The following DSC1 variants were observed in gnomAD, a reference collection of about 807,000 sequenced individuals.
DSC1 encodes the protein desmocollin-1.
DSC1 carries 79 observed loss-of-function variants against 98.8 expected under a neutral mutation model. The observed-to-expected ratio is 0.80, with a 90% CI of 0.67 to 0.96. The LOEUF is 0.96. DSC1 is among the 50% of genes least tolerant of loss of function. The probability of loss-of-function intolerance (pLI) is 0.00; values close to 1 mark genes in which losing one functional copy is unlikely to be tolerated. For synonymous variants in DSC1, 405 were observed against 372.1 expected, an observed-to-expected ratio of 1.09 and a Z score of -1.02; for missense variants, 1,115 against 1,075.9, an observed-to-expected ratio of 1.04 and a Z score of -0.51.
intron 7 of DSC1, among the ~76,000 whole-genome samples, chr18:31,144,992 T>C (rs1988815561): frequency 7.0e-6 from 1 of 143,246 alleles, no homozygotes; most frequent in Non-Finnish European, 1.5e-5. Flanking sequence ...CAGGCTGGGG[T>C]GCAGTGGCGC....
At chr18:31,160,864 A>G (rs1043908356) in intron 1 of DSC1, among the ~76,000 whole-genome samples, 1 of 152,122 alleles carries the variant, frequency 6.6e-6, no homozygotes, top group Non-Finnish European at 1.5e-5. Context: ...ATATACCTAT[A>G]CCTATATATG....
Position 31,131,758 on chromosome 18 carries a change from T to G in DSC1, c.2323A>C (p.Lys775Gln). 1 of 1,614,138 alleles carries G rather than the reference T, an allele frequency of 6.2e-7. No individual in the cohort carries two copies. Among genetic ancestry groups the G allele is most frequent in the Non-Finnish European group, 8.5e-7 (1 of 1,179,986 alleles). The part of the protein sequence containing the change: ...SVGTVGGQGI[K>Q]TQQSFEMVKG... ...ACCATCTCAAAACTTTGCTGTGTTT[T>G]GATTCCCTGGCCACCAACAGTACCA... is the stretch of plus-strand genomic sequence containing the variant. The change falls in exon 15 of 16, where the codon AAA becomes CAA. Residue 775 changes from lysine to glutamine, a missense_variant. Lys to Gln is a moderately conservative substitution (Grantham distance 53). Transcript: ENST00000257198.
chr18:31,138,900 A>G (rs939556713), intron 11 of DSC1, among the ~76,000 whole-genome samples: 172 of 152,174 alleles, frequency 1.1e-3, no homozygotes, highest in African/African-American at 3.8e-3. Context: ...TATCTTTATT[A>G]TTTATGGCAA....
chr18:31,145,911 G>C, intron 6 of DSC1, 134 bp from the exon 7 acceptor site: 1 of 976,460 alleles, frequency 1.0e-6, no homozygotes, highest in Non-Finnish European at 1.5e-6. Flanking sequence ...TTAAGTTGAC[G>C]AATGTGAAAC....
rs560889140 is a variant in DSC1, at chr18:31,159,047, G to GTTTTT, written c.148+393_148+397dup. On this transcript the variant is annotated intron_variant, in intron 2 of 15. Coordinates refer to ENST00000257198, the MANE Select transcript of DSC1 (RefSeq NM_024421.2). ...TTTAACTTCAAGTAGCTACTATGTG[G>GTTTTT]TTTTTTTTTTTTTTTTTGAGACAGA... is the stretch of plus-strand genomic sequence containing the variant. Among the ~76,000 whole-genome samples the GTTTTT allele has an allele frequency of 4.2e-5, 3 of 71,098 alleles. 1 individual carries two copies. The highest frequency in any genetic ancestry group is 5.8e-5 in the African/African-American group (1 of 17,176). 46.6% of individuals were successfully genotyped at this position (71,098 alleles called of 152,430 possible).
At chr18:31,148,778 T>C in intron 5 of DSC1, 136 bp from the exon 6 acceptor site, 2 of 812,088 alleles carry the variant, frequency 2.5e-6, no homozygotes, top group East Asian at 2.8e-5. Flanking sequence ...AATGATGCAA[T>C]AGAGAGATAA....
chr18:31,152,750 AT>A (rs1253089558), intron 5 of DSC1, among the ~76,000 whole-genome samples: 2 of 152,106 alleles, frequency 1.3e-5, no homozygotes, highest in African/African-American at 4.8e-5. Context: ...GGATCTACCA[AT>A]TCCCAGAAAC....
chr18:31,130,424 A>AACAAAAACAT lies in DSC1; in HGVS notation c.*80_*89dup. 6.8e-7 allele frequency: 1 copy of AACAAAAACAT among 1,471,166 alleles called. No individual in the cohort carries two copies. Among genetic ancestry groups the AACAAAAACAT allele is most frequent in the East Asian group, 2.3e-5 (1 of 44,052 alleles). The allele number at this position is 1,471,166 out of a possible 1,614,324, so 91.1% of individuals were successfully genotyped here. A position where few individuals can be genotyped will look rare whatever the true frequency, so the allele number is the denominator to read the frequency against. On this transcript the variant is annotated 3_prime_UTR_variant, in exon 16 of 16. Coordinates refer to ENST00000257198, the MANE Select transcript of DSC1 (RefSeq NM_024421.2). ...ATACATGACAAAGTTTACCTCCATA[A>AACAAAAACAT]ACAAAAACATTAGCAGATGCTGCTA...
chr18:31,150,565 C>T (rs1988982042), intron 5 of DSC1, among the ~76,000 whole-genome samples: 1 of 107,960 alleles, frequency 9.3e-6, no homozygotes, highest in African/African-American at 3.5e-5. Flanking sequence ...ACCACCACCA[C>T]CGTCATCATC....
chr18:31,145,667 A>G lies in DSC1; in HGVS notation c.883T>C (p.Ser295Pro). 6.2e-7 allele frequency: 1 copy of G among 1,614,204 alleles called. No individual in the cohort carries two copies. Among genetic ancestry groups the G allele is most frequent in the Non-Finnish European group, 8.5e-7 (1 of 1,180,034 alleles). ...QQIPDHPKHF[S>P]IHPDTGVITT... Reference sequence around the variant, plus strand: ...ATGACACCGGTATCTGGGTGTATGGAGAAATGCTTTGGATGATCTGGGATT... The same window carrying G: ...ATGACACCGGTATCTGGGTGTATGGGGAAATGCTTTGGATGATCTGGGATT... Residue 295 changes from serine (S) to proline (P), a missense_variant, in exon 7 of 16, where the codon TCC (serine) becomes CCC (proline). Transcript: ENST00000257198.
At chr18:31,132,742 C>G in intron 13 of DSC1, 53 bp from the exon 14 acceptor site, 1 of 1,526,882 alleles carries the variant, frequency 6.5e-7, no homozygotes, top group Non-Finnish European at 8.9e-7. Flanking sequence ...CATTTGATTA[C>G]ATGATTTTTT....
chr18:31,144,971 G>T (rs2851994), intron 7 of DSC1, among the ~76,000 whole-genome samples: 37,599 of 135,872 alleles, frequency 0.28, 5,886 homozygotes, highest in East Asian at 0.55. Context: ...ACGGAGTCTC[G>T]CTCTGTCACC....
chr18:31,160,329 C>T (rs1441960662), intron 1 of DSC1, among the ~76,000 whole-genome samples: 1 of 152,028 alleles, frequency 6.6e-6, no homozygotes, highest in Non-Finnish European at 1.5e-5. Flanking sequence ...AAAATAACTG[C>T]TTTTTTATTA....
chr18:31,143,936 G>A (rs1598620379), intron 7 of DSC1, 145 bp from the exon 8 acceptor site: 4 of 571,090 alleles, frequency 7.0e-6, no homozygotes, highest in African/African-American at 2.0e-5. Flanking sequence ...ATTTGAGATG[G>A]GGTCTCACTG....
intron 14 of DSC1, 48 bp downstream of exon 14, chr18:31,132,520 C>T (rs771996436): frequency 2.5e-6 from 4 of 1,602,130 alleles, no homozygotes; most frequent in African/African-American, 2.7e-5. Context: ...AATAATCTGT[C>T]ATCATTTGTT....
intron 8 of DSC1, among the ~76,000 whole-genome samples, chr18:31,142,529 G>A (rs1055035529): frequency 3.3e-5 from 5 of 152,044 alleles, no homozygotes; most frequent in African/African-American, 1.2e-4. Flanking sequence ...CTTAATAAAT[G>A]TCTTATGTTA....
chr18:31,131,206 T>C (rs374642509), intron 15 of DSC1, among the ~76,000 whole-genome samples: 1 of 152,210 alleles, frequency 6.6e-6, no homozygotes, highest in Non-Finnish European at 1.5e-5. Context: ...TTGATTTTGA[T>C]AGCCAGGACT....
In DSC1 at chr18:31,139,882, T is replaced by C; in HGVS notation, c.1529A>G (p.Lys510Arg). The C allele has an allele frequency of 6.3e-7, 1 of 1,597,322 alleles. No homozygotes were observed. The highest frequency in any genetic ancestry group is 8.5e-7 in the Non-Finnish European group (1 of 1,175,518). Residue 510 changes from lysine (K) to arginine (R), a missense_variant, in exon 11 of 16, where the codon AAG becomes AGG. Lys to Arg is a conservative substitution (Grantham distance 26). Coordinates refer to ENST00000257198, the MANE Select transcript of DSC1 (RefSeq NM_024421.2). The stretch of plus-strand genomic sequence containing the variant: ...AAACCAGTTATCTTCATCCCCTAAC[T>C]TCTGATACCTAATTTTTAGAAATCA... The part of the protein sequence containing the change: ...ISSGEGLRYQ[K>R]LGDEDNWFEI...
chr18:31,153,583 T>G (rs1026489549), intron 5 of DSC1, among the ~76,000 whole-genome samples: 9 of 152,124 alleles, frequency 5.9e-5, no homozygotes, highest in Non-Finnish European at 1.2e-4. Flanking sequence ...AGTGGAAAAT[T>G]TATACAGTTT....
Sources: allele counts gnomAD v4.1 joint callset (sites outside exome capture counted in the v4.1 genomes callset), GRCh38; gene constraint gnomAD v4.1.1; transcripts MANE v1.5; gene names NCBI Gene and HGNC (gene_info 2026-07-23, HGNC 2026-07-21).